Variants in CASP8 observed in about 807,000 individuals in gnomAD.
CASP8 encodes the protein caspase-8.
In CASP8, 24 loss-of-function variants were observed where a neutral mutation model predicts 46.3. The observed-to-expected ratio is 0.52, with a 90% CI of 0.38 to 0.73. The LOEUF (loss-of-function observed/expected upper bound fraction) is 0.73. CASP8 is among the 30% of genes least tolerant of loss of function. CASP8 has a pLI of 0.00. For missense variants in CASP8, 460 were observed against 559.0 expected (o/e 0.82, Z 1.79); for synonymous variants, 188 against 200.4 (o/e 0.94, Z 0.52).
intron 6 of CASP8, among the ~76,000 whole-genome samples, chr2:201,275,184 A>AC (rs1307649902): frequency 6.6e-6 from 1 of 152,152 alleles, no homozygotes; most frequent in Non-Finnish European, 1.5e-5. Context: ...AAGACCCGAG[A>AC]TGAAGATACT....
upstream of CASP8, among the ~76,000 whole-genome samples, chr2:201,256,365 A>G (rs1947017654): frequency 6.6e-6 from 1 of 152,224 alleles, no homozygotes; most frequent in African/African-American, 2.4e-5. Context: ...AATGGGACCA[A>G]TCGTAGCATC....
intron 2 of CASP8, among the ~76,000 whole-genome samples, chr2:201,240,066 T>G (rs934165911): frequency 6.6e-6 from 1 of 152,172 alleles, no homozygotes; most frequent in Non-Finnish European, 1.5e-5. Flanking sequence ...AGGCCCATTT[T>G]TAGCATGTGG....
chr2:201,237,326 AGTGATCTGCCCGCCTCGGCT>A (rs1349642732), intron 2 of CASP8, among the ~76,000 whole-genome samples: 3 of 151,124 alleles, frequency 2.0e-5, no homozygotes, highest in Non-Finnish European at 4.4e-5. Context: ...TTTGACCTCA[AGTGATCTGCCCGCCTCGGCT>A]TCCCAAAGTG....
At chr2:201,261,391 CAAAAAA>C (rs11335061) in intron 1 of CASP8, among the ~76,000 whole-genome samples, 1 of 88,538 alleles carries the variant, frequency 1.1e-5, no homozygotes, top group Non-Finnish European at 2.3e-5. Context: ...AACTCCGTCT[CAAAAAA>C]AAAAAAAAAA....
chr2:201,250,392 A>T (rs1324132903), intron 2 of CASP8, among the ~76,000 whole-genome samples: 1 of 152,352 alleles, frequency 6.6e-6, no homozygotes, highest in African/African-American at 2.4e-5. Flanking sequence ...TAATTGGCTC[A>T]TGGTTCCACA....
At chr2:201,242,129 T>C (rs2124913678) in intron 2 of CASP8, 1 of 152,338 alleles carries the variant, frequency 6.6e-6, no homozygotes, top group South Asian at 2.1e-4. Context: ...ATGGGATTCA[T>C]AATATGTTTC....
In CASP8 at chr2:201,266,127, G is replaced by A. The variant is rs925064673; in HGVS notation, c.-26-334G>A. On this transcript the variant is annotated intron_variant, in intron 1 of 8. Transcript: ENST00000673742. This position sits in a 1 kb window ranked among gnomAD's most constrained non-coding sequence, Gnocchi z 5.7. ...CCTGAGTAGCTGGGATTACAGGCAC[G>A]TGCCTCCACACCTGGCTAATTTTTG... Among the ~76,000 whole-genome samples, 2 of 152,032 alleles carry A rather than the reference G, an allele frequency of 1.3e-5. No homozygotes were observed. The highest frequency in any genetic ancestry group is 2.1e-4 in the South Asian group (1 of 4,826).
At chr2:201,259,992 T>C (rs537707711), upstream of CASP8, among the ~76,000 whole-genome samples, 5 of 148,954 alleles carry the variant, frequency 3.4e-5, no homozygotes, top group Non-Finnish European at 5.9e-5. Context: ...TTTTTTTTTT[T>C]AATTTTAGAG....
At chr2:201,285,658 A>T (rs564310272) in intron 8 of CASP8, among the ~76,000 whole-genome samples, 1 of 152,356 alleles carries the variant, frequency 6.6e-6, no homozygotes, top group East Asian at 1.9e-4. Context: ...TAGGAAAGTC[A>T]TATACTCCAG....
intron 2 of CASP8, among the ~76,000 whole-genome samples, chr2:201,234,711 G>A (rs1945974338): frequency 6.6e-6 from 1 of 151,688 alleles, no homozygotes; most frequent in Non-Finnish European, 1.5e-5. Context: ...TACCCACCTT[G>A]GCCTCCCAAA....
intron 5 of CASP8, 96 bp downstream of exon 5, chr2:201,273,038 A>AGATGTG: frequency 4.0e-6 from 4 of 995,258 alleles, no homozygotes; most frequent in South Asian, 1.3e-5. Flanking sequence ...GCACATCTTA[A>AGATGTG]CGTGCCTGCT....
chr2:201,244,772 A>G (rs1044372976), intron 2 of CASP8, among the ~76,000 whole-genome samples: 14 of 152,160 alleles, frequency 9.2e-5, no homozygotes, highest in African/African-American at 3.1e-4. Context: ...TTTAATAGCT[A>G]ATCTAATCTC....
At chr2:201,264,403 C>CT (rs111873858) in intron 1 of CASP8, among the ~76,000 whole-genome samples, 37 of 144,276 alleles carry the variant, frequency 2.6e-4, no homozygotes, top group East Asian at 1.2e-3. Context: ...TTTGGTTTTG[C>CT]TTTTTTTTTT....
At position 201,284,989 on chromosome 2, in the gene CASP8, A is replaced by G; in HGVS notation, c.976A>G (p.Thr326Ala). The change falls in exon 8 of 9, where the codon ACT becomes GCT. Residue 326 changes from threonine (T) to alanine (A), a missense_variant. Thr to Ala is a moderately conservative substitution (Grantham distance 58, BLOSUM62 0). Coordinates refer to ENST00000673742, the MANE Select transcript of CASP8 (RefSeq NM_001372051.1). ...SHGDKGIIYG[T>A]DGQEAPIYEL... is the part of the protein sequence containing the mutation. ...TGGAGACAAGGGCATCATCTATGGC[A>G]CTGATGGACAGGAGGCCCCCATCTA... 13 of 1,614,176 alleles carry G rather than the reference A, an allele frequency of 8.1e-6. No individual in the cohort carries two copies. Among genetic ancestry groups the G allele is most frequent in the Non-Finnish European group, 1.1e-5 (13 of 1,180,006 alleles).
chr2:201,247,056 G>A (rs1337301040), intron 2 of CASP8, among the ~76,000 whole-genome samples: 7 of 151,904 alleles, frequency 4.6e-5, no homozygotes, highest in Admixed American at 4.6e-4. Context: ...CTAGCTGGGT[G>A]CAGTGGCAGG....
rs1948315867 is a variant in CASP8, at chr2:201,272,261, T to A, written c.412-377T>A. 6.6e-6 allele frequency among the ~76,000 whole-genome samples: 1 copy of A among 152,028 alleles called. No homozygotes were observed. The highest frequency in any genetic ancestry group is 6.6e-5 in the Admixed American group (1 of 15,250). On this transcript the variant is annotated intron_variant, in intron 3 of 8. Coordinates refer to ENST00000673742, the MANE Select transcript of CASP8 (RefSeq NM_001372051.1). The surrounding 1 kb of genome is among the most constrained non-coding windows in gnomAD (Gnocchi z 4.4). ...GTGTGTGTGTCTGTGTGTCTGTATG[T>A]ACTCAGGTCTGGAGAGGCAATGCTG... is the stretch of plus-strand genomic sequence containing the variant.
upstream of CASP8, chr2:201,258,212 A>G (rs774767870): frequency 1.0e-5 from 16 of 1,605,024 alleles, no homozygotes; most frequent in Admixed American, 5.0e-5. Flanking sequence ...TTGCTAGTCA[A>G]CTCAACAGGA....
At position 201,283,290 on chromosome 2, in the gene CASP8, G is replaced by C. The variant is rs370082678; in HGVS notation, c.803-1526G>C. On this transcript the variant is annotated intron_variant, in intron 7 of 8. Coordinates refer to ENST00000673742, the MANE Select transcript of CASP8 (RefSeq NM_001372051.1). ...GGGGTTGAACCCCCACCTCCCTCCT[G>C]GACGGGGCGACTGGCCGGGCAGAGG... Among the ~76,000 whole-genome samples, 76 of 90,416 alleles carry C rather than the reference G, an allele frequency of 8.4e-4. 3 individuals carry two copies. The East Asian group carries it at 0.023, about 28-fold the overall frequency. 59.3% of individuals were successfully genotyped at this position (90,416 alleles called of 152,430 possible).
chr2:201,241,716 C>G (rs1946307753), intron 2 of CASP8: 1 of 152,200 alleles, frequency 6.6e-6, no homozygotes, highest in Admixed American at 6.5e-5. Flanking sequence ...CCAACATTAT[C>G]CCGATACCAA....
Sources: allele counts gnomAD v4.1 joint callset (sites outside exome capture counted in the v4.1 genomes callset), GRCh38; gene constraint gnomAD v4.1.1; non-coding constraint Gnocchi (gnomAD v3.1); transcripts MANE v1.5; gene names NCBI Gene and HGNC (gene_info 2026-07-23, HGNC 2026-07-21).